Variants in FRMD5 observed in about 807,000 individuals in gnomAD.
The protein encoded by FRMD5 is FERM domain containing 5.
Under a neutral mutation model 69.0 loss-of-function variants are expected in FRMD5, and 20 were observed. The ratio of observed to expected loss-of-function variants is 0.29; its 90% confidence interval spans 0.20 to 0.42. The LOEUF is 0.42. FRMD5 is among the 10% of genes least tolerant of loss of function. FRMD5 has a pLI of 1.00. For missense variants in FRMD5, 595 were observed against 708.6 expected (o/e 0.84, Z 1.82); for synonymous variants, 271 against 260.1 (o/e 1.04, Z -0.40).
chr15:44,165,345 C>T (rs2077692054), intron 1 of FRMD5, among the ~76,000 whole-genome samples: 1 of 152,138 alleles, frequency 6.6e-6, no homozygotes, highest in African/African-American at 2.4e-5. Flanking sequence ...TTGCTCGAAA[C>T]TGGGAGGTGG....
Position 43,885,668 on chromosome 15 carries a change from T to G in FRMD5, c.959+13A>C. On this transcript the variant is annotated intron_variant, in intron 11 of 13. Transcript: ENST00000417257. ...AAATAGATCCATAATGGTTACTTAC[T>G]GTCACTATTTACCTGTATCGGAACC... 1 of 1,601,780 alleles carries G rather than the reference T, an allele frequency of 6.2e-7. No homozygotes were observed. The highest frequency in any genetic ancestry group is 8.6e-7 in the Non-Finnish European group (1 of 1,168,626).
intron 1 of FRMD5, among the ~76,000 whole-genome samples, chr15:44,120,943 C>T (rs1000917923): frequency 3.9e-5 from 6 of 152,066 alleles, no homozygotes; most frequent in African/African-American, 1.2e-4. Context: ...TGCTTAGGAA[C>T]ACAGCCTGAA....
intron 1 of FRMD5, among the ~76,000 whole-genome samples, chr15:44,077,951 A>C (rs151266865): frequency 2.6e-5 from 4 of 152,236 alleles, no homozygotes; most frequent in Admixed American, 1.3e-4. Context: ...CAGCTTGTTA[A>C]AGTGGTTAAA....
intron 7 of FRMD5, among the ~76,000 whole-genome samples, chr15:43,898,510 G>C (rs1430271168): frequency 6.6e-6 from 1 of 152,172 alleles, no homozygotes; most frequent in Non-Finnish European, 1.5e-5. Flanking sequence ...TAACAACAAG[G>C]CTGGGCATCT....
chr15:44,186,237 T>C (rs1239111745), intron 1 of FRMD5, among the ~76,000 whole-genome samples: 1 of 152,184 alleles, frequency 6.6e-6, no homozygotes, highest in Non-Finnish European at 1.5e-5. Context: ...TTTCTTGTGT[T>C]ATGATCAATG....
intron 1 of FRMD5, among the ~76,000 whole-genome samples, chr15:44,129,520 C>CT (rs994396083): frequency 6.6e-5 from 10 of 151,356 alleles, no homozygotes; most frequent in Admixed American, 1.3e-4. Flanking sequence ...CTCAGAGGCA[C>CT]TTTTTTTTTA....
rs2088230472 is a variant in FRMD5 at position 43,873,769 on chromosome 15, C to T, written c.*116G>A. 2 of 1,534,462 alleles carry T rather than the reference C, an allele frequency of 1.3e-6. No homozygotes were observed. Among genetic ancestry groups the T allele is most frequent in the East Asian group, 2.4e-5 (1 of 40,898 alleles). ...TCCTAGGCTGCAGTGGACTTTGAGT[C>T]ATGAGAGGAGGACTTGGTATATGTG... is the stretch of plus-strand genomic sequence containing the variant. On this transcript the variant is annotated 3_prime_UTR_variant, in exon 14 of 14. Coordinates refer to ENST00000417257, the MANE Select transcript of FRMD5 (RefSeq NM_032892.5).
chr15:44,162,374 C>CTACA (rs149937505), intron 1 of FRMD5, among the ~76,000 whole-genome samples: 28,054 of 151,316 alleles, frequency 0.19, 3,467 homozygotes, highest in Non-Finnish European at 0.28. Context: ...GTGGATGGGA[C>CTACA]TACAGGTCCA....
intron 1 of FRMD5, among the ~76,000 whole-genome samples, chr15:44,023,497 T>C (rs1423648037): frequency 6.6e-6 from 1 of 152,222 alleles, no homozygotes; most frequent in African/African-American, 2.4e-5. Context: ...CGGAACTTTC[T>C]TTGTGGGAAA....
chr15:44,113,831 A>G (rs1395463590), intron 1 of FRMD5, among the ~76,000 whole-genome samples: 4 of 152,200 alleles, frequency 2.6e-5, no homozygotes, highest in South Asian at 2.1e-4. Flanking sequence ...ACACTCGCAG[A>G]TAACTGACAC....
chr15:44,117,705 T>A (rs2076889100), intron 1 of FRMD5, among the ~76,000 whole-genome samples: 1 of 152,216 alleles, frequency 6.6e-6, no homozygotes, highest in Non-Finnish European at 1.5e-5. Context: ...CACCTGGGCC[T>A]TAGCATTTAT....
chr15:43,993,338 GC>G (rs1697921334), intron 1 of FRMD5, among the ~76,000 whole-genome samples: 1 of 152,084 alleles, frequency 6.6e-6, no homozygotes, highest in Non-Finnish European at 1.5e-5. Context: ...GACTACAGGT[GC>G]GTGCCACCAT....
At chr15:43,936,151 C>A (rs2089757314) in intron 1 of FRMD5, among the ~76,000 whole-genome samples, 1 of 152,144 alleles carries the variant, frequency 6.6e-6, no homozygotes, top group African/African-American at 2.4e-5. Flanking sequence ...GTTCACAGCC[C>A]AGTGCCCTGT....
chr15:43,984,853 A>G (rs1889306636), intron 1 of FRMD5, among the ~76,000 whole-genome samples: 1 of 152,054 alleles, frequency 6.6e-6, no homozygotes, highest in African/African-American at 2.4e-5. Flanking sequence ...GCATGGTGGC[A>G]TACACCTGTA....
At chr15:44,136,804 A>G (rs2077194221) in intron 1 of FRMD5, among the ~76,000 whole-genome samples, 1 of 152,218 alleles carries the variant, frequency 6.6e-6, no homozygotes, top group Non-Finnish European at 1.5e-5. Flanking sequence ...AAACGAAATC[A>G]TTTGAAATTG....
intron 1 of FRMD5, among the ~76,000 whole-genome samples, chr15:44,178,137 C>T (rs1477541856): frequency 6.6e-6 from 1 of 152,008 alleles, no homozygotes; most frequent in East Asian, 1.9e-4. Flanking sequence ...GCCTGGCCAA[C>T]ATAGTGAAAC....
At chr15:43,957,439 C>T (rs1172176013) in intron 1 of FRMD5, among the ~76,000 whole-genome samples, 1 of 152,230 alleles carries the variant, frequency 6.6e-6, no homozygotes, top group Non-Finnish European at 1.5e-5. Flanking sequence ...TCAAGTGATC[C>T]ACCTGCTTTT....
chr15:43,936,736 C>G (rs1400508880), intron 1 of FRMD5, among the ~76,000 whole-genome samples: 1 of 150,770 alleles, frequency 6.6e-6, no homozygotes, highest in African/African-American at 2.4e-5. Flanking sequence ...TTTGCTGATT[C>G]TAACTACATA....
At chr15:43,919,145 T>A in intron 4 of FRMD5, 1 of 463,774 alleles carries the variant, frequency 2.2e-6, no homozygotes, top group East Asian at 5.5e-5. Flanking sequence ...TCTCCAAAAA[T>A]GTCCACAGTG....
Sources: allele counts gnomAD v4.1 joint callset (sites outside exome capture counted in the v4.1 genomes callset), GRCh38; gene constraint gnomAD v4.1.1; transcripts MANE v1.5; gene names NCBI Gene and HGNC (gene_info 2026-07-23, HGNC 2026-07-21).